RORA: variants seen among roughly 807,000 people sequenced by gnomAD.
RORA encodes the protein nuclear receptor ROR-alpha.
RORA carries 7 observed loss-of-function variants against 69.5 expected under a neutral mutation model. That is an observed-to-expected ratio of 0.10 (90% confidence interval 0.06 to 0.19). RORA has a LOEUF of 0.19. Among genes scored for constraint, RORA ranks in the 10% least tolerant of loss-of-function variants. The pLI is 1.00. For synonymous variants in RORA, 261 were observed against 240.8 expected, an observed-to-expected ratio of 1.08 and a Z score of -0.78; for missense variants, 457 against 663.0, an observed-to-expected ratio of 0.69 and a Z score of 3.41.
At chr15:60,789,571 C>T (rs1247017997) in intron 1 of RORA, among the ~76,000 whole-genome samples, 1 of 152,218 alleles carries the variant, frequency 6.6e-6, no homozygotes, top group Non-Finnish European at 1.5e-5. Flanking sequence ...GTTTCTTTAT[C>T]CCACTTGTTG....
rs10523030 is a variant in RORA at position 61,147,766 on chromosome 15, C to CGTGTGTGTGTGTGT, written c.166+81273_166+81286dup. Among the ~76,000 whole-genome samples the CGTGTGTGTGTGTGT allele has an allele frequency of 0.11, 16,694 of 147,436 alleles. 1,092 individuals are homozygous for CGTGTGTGTGTGTGT. The highest frequency in any genetic ancestry group is 0.16 in the Middle Eastern group (47 of 288). ...TGGTCAGTAGGCACGTGCGCACACG[C>CGTGTGTGTGTGTGT]GTGTGTGTGTGTGTGTGTGTGTGTG... On this transcript the variant is annotated intron_variant, in intron 1 of 10. Coordinates refer to ENST00000335670, the MANE Select transcript of RORA (RefSeq NM_134261.3). The surrounding 1 kb of genome is among the most constrained non-coding windows in gnomAD (Gnocchi z 4.1).
chr15:60,714,307 T>C (rs890154), intron 1 of RORA, among the ~76,000 whole-genome samples: 151,877 of 152,180 alleles, frequency 1, 75,787 homozygotes, highest in Middle Eastern at 1. Context: ...GATCCACTGG[T>C]CTCGGCCTCC....
At chr15:61,025,738 A>T (rs1310135719) in intron 1 of RORA, among the ~76,000 whole-genome samples, 2 of 152,212 alleles carry the variant, frequency 1.3e-5, no homozygotes, top group African/African-American at 4.8e-5. Context: ...GTGCAGAAAA[A>T]TTAAATGAGT....
intron 1 of RORA, among the ~76,000 whole-genome samples, chr15:61,042,364 A>G (rs1896819789): frequency 6.6e-6 from 1 of 151,496 alleles, no homozygotes; most frequent in African/African-American, 2.4e-5. Flanking sequence ...TGGTCACCCT[A>G]GTCCTAATGA....
chr15:60,783,672 C>G (rs1391812742), intron 1 of RORA, among the ~76,000 whole-genome samples: 1 of 152,174 alleles, frequency 6.6e-6, no homozygotes, highest in African/African-American at 2.4e-5. Context: ...TGCAGAGGAC[C>G]TCTTCCATTT....
intron 1 of RORA, among the ~76,000 whole-genome samples, chr15:60,933,993 G>A (rs1892445511): frequency 6.6e-6 from 1 of 152,228 alleles, no homozygotes; most frequent in African/African-American, 2.4e-5. Flanking sequence ...TCTTGCAGCT[G>A]ACAGTCGTTC....
intron 2 of RORA, among the ~76,000 whole-genome samples, chr15:60,580,581 C>T (rs140010565): frequency 1.9e-4 from 29 of 152,342 alleles, no homozygotes; most frequent in African/African-American, 7.0e-4. Flanking sequence ...TCTTTCCGAA[C>T]CAAACTTAAA....
chr15:61,101,558 C>T (rs775469958), intron 1 of RORA, among the ~76,000 whole-genome samples: 1 of 152,068 alleles, frequency 6.6e-6, no homozygotes, highest in Non-Finnish European at 1.5e-5. Context: ...AATTGAATCT[C>T]TCTAAAATCG....
intron 1 of RORA, among the ~76,000 whole-genome samples, chr15:60,704,550 T>C (rs1012005630): frequency 6.6e-6 from 1 of 152,206 alleles, no homozygotes; most frequent in Admixed American, 6.5e-5. Flanking sequence ...TTTGGCTAGG[T>C]TTTGCTTAAA....
intron 1 of RORA, among the ~76,000 whole-genome samples, chr15:60,725,113 C>A (rs550084279): frequency 6.6e-6 from 1 of 152,360 alleles, no homozygotes; most frequent in East Asian, 1.9e-4. Flanking sequence ...GACTTAATTT[C>A]AATCTAGTTT....
rs372254516 is a variant in RORA at position 61,225,312 on chromosome 15, G to A, written c.166+3741C>T. On this transcript the variant is annotated intron_variant, in intron 1 of 10. Transcript: ENST00000335670. The stretch of plus-strand genomic sequence containing the variant: ...CATCATTTGTTCACTGTGGCGAGCC[G>A]GGTCCATGTGAGGAAAGTTGATCTG... Among the ~76,000 whole-genome samples the A allele has an allele frequency of 5.3e-4, 80 of 152,192 alleles. No homozygotes were observed. In the Middle Eastern group the frequency reaches 0.024, roughly 45 times the overall value.
intron 1 of RORA, among the ~76,000 whole-genome samples, chr15:61,073,216 C>G (rs771721235): frequency 6.6e-6 from 1 of 152,204 alleles, no homozygotes; most frequent in Non-Finnish European, 1.5e-5. Context: ...CCTTGAGATT[C>G]GTAAGCCAAA....
At chr15:60,772,515 C>T (rs1001685276) in intron 1 of RORA, among the ~76,000 whole-genome samples, 8 of 152,180 alleles carry the variant, frequency 5.3e-5, no homozygotes, top group African/African-American at 1.9e-4. Context: ...TTAAATGTTT[C>T]TCTTTAAAAA....
chr15:60,694,112 A>C (rs754007126), intron 1 of RORA, among the ~76,000 whole-genome samples: 1 of 152,118 alleles, frequency 6.6e-6, no homozygotes, highest in Non-Finnish European at 1.5e-5. Context: ...TGATTTCCTC[A>C]TCTCCCTCTG....
chr15:60,706,855 A>G lies in RORA; in HGVS notation c.167-28169T>C, dbSNP rs188782813. On this transcript the variant is annotated intron_variant, in intron 1 of 10. Transcript: ENST00000335670. ...GGGGCTCAGCTAAAATTACCTCCCA[A>G]AAAGGAAAAAGCCTCCAAGAGAAAA... is the stretch of plus-strand genomic sequence containing the variant. Among the ~76,000 whole-genome samples, 3 of 152,334 alleles carry G rather than the reference A, an allele frequency of 2.0e-5. 1 individual carries two copies. Among genetic ancestry groups the G allele is most frequent in the Non-Finnish European group, 4.4e-5 (3 of 68,032 alleles).
At chr15:61,172,235 A>C (rs2140894548) in intron 1 of RORA, among the ~76,000 whole-genome samples, 1 of 152,300 alleles carries the variant, frequency 6.6e-6, no homozygotes, top group South Asian at 2.1e-4. Flanking sequence ...GCAATTTTTC[A>C]TGCTTCCTAC....
intron 1 of RORA, among the ~76,000 whole-genome samples, chr15:60,999,499 G>C (rs1894678398): frequency 6.6e-6 from 1 of 152,176 alleles, no homozygotes; most frequent in Non-Finnish European, 1.5e-5. Context: ...CATTTCACAT[G>C]GGAAAATCTT....
chr15:60,944,918 G>T (rs912376071), intron 1 of RORA, among the ~76,000 whole-genome samples: 1 of 152,152 alleles, frequency 6.6e-6, no homozygotes, highest in African/African-American at 2.4e-5. Context: ...CATAGCACCA[G>T]GTGGAGCATG....
chr15:60,584,950 T>G (rs2068289167), intron 2 of RORA, among the ~76,000 whole-genome samples: 2 of 152,176 alleles, frequency 1.3e-5, no homozygotes, highest in Admixed American at 1.3e-4. Flanking sequence ...TTTTCCTTGC[T>G]TTTTATTTTT....
Sources: allele counts gnomAD v4.1 joint callset (sites outside exome capture counted in the v4.1 genomes callset), GRCh38; gene constraint gnomAD v4.1.1; non-coding constraint Gnocchi (gnomAD v3.1); transcripts MANE v1.5; gene names NCBI Gene and HGNC (gene_info 2026-07-23, HGNC 2026-07-21).